SAMD5: variants seen among roughly 807,000 people sequenced by gnomAD.
SAMD5 encodes the protein sterile alpha motif domain-containing protein 5.
SAMD5 carries 13 observed loss-of-function variants against 11.3 expected under a neutral mutation model. The observed-to-expected ratio is 1.15, with a 90% CI of 0.75 to 1.83. SAMD5 has a LOEUF of 1.83. Ranked by LOEUF, SAMD5 falls within the 40% of genes most tolerant of loss-of-function variation. The pLI is 0.00. For missense variants in SAMD5, 255 were observed against 239.1 expected (o/e 1.07, Z -0.44); for synonymous variants, 129 against 111.3 (o/e 1.16, Z -1.00).
At chr6:147,878,009 T>C in the SAMD5 span, among the ~76,000 whole-genome samples, 1 of 150,764 alleles carries the variant, frequency 6.6e-6, no homozygotes, top group East Asian at 1.9e-4. Flanking sequence ...CTCAAACTCC[T>C]TAAGTGACCT....
At chr6:147,511,480 A>G (rs1788089273) in intron 1 of SAMD5, among the ~76,000 whole-genome samples, 1 of 152,260 alleles carries the variant, frequency 6.6e-6, no homozygotes. Flanking sequence ...TTGCTTTAAA[A>G]TAAATCCCAT....
At chr6:147,595,101 A>T (rs573478731) in intron 1 of SAMD5, among the ~76,000 whole-genome samples, 1 of 152,362 alleles carries the variant, frequency 6.6e-6, no homozygotes, top group African/African-American at 2.4e-5. Context: ...TACTTGCTGT[A>T]CCTGTTAAGA....
chr6:147,698,489 G>A (rs1213956049), intron 1 of SAMD5, among the ~76,000 whole-genome samples: 2 of 152,038 alleles, frequency 1.3e-5, no homozygotes, highest in African/African-American at 2.4e-5. Context: ...ATGTCCTGTG[G>A]AAAAAAATAA....
chr6:147,694,672 C>A (rs1791151223), intron 1 of SAMD5, among the ~76,000 whole-genome samples: 1 of 152,056 alleles, frequency 6.6e-6, no homozygotes. Context: ...AAAAAATTAG[C>A]CAGGCACGGT....
the SAMD5 span, among the ~76,000 whole-genome samples, chr6:147,909,706 T>A: frequency 6.6e-6 from 1 of 151,802 alleles, no homozygotes; most frequent in East Asian, 1.9e-4. Flanking sequence ...ACAGCTGTCC[T>A]CGTTTGTTTG....
At chr6:147,912,980 T>C in the SAMD5 span, among the ~76,000 whole-genome samples, 1 of 152,018 alleles carries the variant, frequency 6.6e-6, no homozygotes, top group Admixed American at 6.6e-5. Flanking sequence ...TTGGAAAATA[T>C]ACAGTAAAGA....
At chr6:147,807,057 C>G in the SAMD5 span, among the ~76,000 whole-genome samples, 1 of 152,110 alleles carries the variant, frequency 6.6e-6, no homozygotes, top group African/African-American at 2.4e-5. Context: ...GCCTCCAGAA[C>G]TGTAAGAAAT....
chr6:147,806,171 C>T, the SAMD5 span, among the ~76,000 whole-genome samples: 1 of 152,198 alleles, frequency 6.6e-6, no homozygotes, highest in Admixed American at 6.5e-5. Flanking sequence ...TCCAGGGCTA[C>T]TCAGTCTGCT....
At chr6:147,709,557 C>T (rs1791369424) in intron 1 of SAMD5, among the ~76,000 whole-genome samples, 2 of 152,232 alleles carry the variant, frequency 1.3e-5, no homozygotes, top group Admixed American at 6.5e-5. Flanking sequence ...AGAAAGAAGA[C>T]ATTGGTCACC....
At chr6:147,616,603 T>C (rs533535060) in intron 1 of SAMD5, among the ~76,000 whole-genome samples, 14 of 152,056 alleles carry the variant, frequency 9.2e-5, no homozygotes, top group African/African-American at 3.4e-4. Flanking sequence ...TTGTTTGGAG[T>C]GTTAATAAAT....
In SAMD5 at chr6:147,591,905, T is replaced by C. The variant is rs542596422; in HGVS notation, c.162+82518T>C. The stretch of plus-strand genomic sequence containing the variant: ...TCTGAGAAGGGCTCAGGAGGCGGTT[T>C]CCCTCAGCAAGCAGCTCTTCTGTCT... On this transcript the variant is annotated intron_variant, in intron 1 of 1. Coordinates refer to the SAMD5 transcript ENST00000566741. Among the ~76,000 whole-genome samples, 423 of 152,180 alleles carry C rather than the reference T, an allele frequency of 2.8e-3. 2 individuals carry two copies. Among genetic ancestry groups the C allele is most frequent in the African/African-American group, 9.7e-3 (402 of 41,548 alleles).
chr6:147,596,719 TAC>T (rs1789537090), intron 1 of SAMD5, among the ~76,000 whole-genome samples: 1 of 152,230 alleles, frequency 6.6e-6, no homozygotes. Flanking sequence ...ATATTTCTTT[TAC>T]AGTTATTTTT....
At chr6:147,740,219 T>A (rs1378020772), downstream of SAMD5, among the ~76,000 whole-genome samples, 1 of 152,216 alleles carries the variant, frequency 6.6e-6, no homozygotes, top group Admixed American at 6.5e-5. Flanking sequence ...TCCTTTGTCA[T>A]GCAACGCTGC....
At chr6:147,598,046 T>G (rs1006403866) in intron 1 of SAMD5, among the ~76,000 whole-genome samples, 2 of 152,204 alleles carry the variant, frequency 1.3e-5, no homozygotes, top group African/African-American at 4.8e-5. Flanking sequence ...ACACCACTGA[T>G]GCAGTGGAGT....
intron 1 of SAMD5, among the ~76,000 whole-genome samples, chr6:147,592,418 C>T (rs369974770): frequency 1.3e-4 from 20 of 151,982 alleles, no homozygotes; most frequent in East Asian, 9.6e-4. Flanking sequence ...AGAGGCACTT[C>T]ACATGGTCGC....
intron 1 of SAMD5, among the ~76,000 whole-genome samples, chr6:147,652,599 C>T (rs977699009): frequency 6.6e-6 from 1 of 152,106 alleles, no homozygotes; most frequent in African/African-American, 2.4e-5. Context: ...ACTGGCTGGC[C>T]AAGTGGCCTT....
At chr6:147,651,241 A>G (rs746059040) in intron 1 of SAMD5, among the ~76,000 whole-genome samples, 1 of 152,238 alleles carries the variant, frequency 6.6e-6, no homozygotes, top group Non-Finnish European at 1.5e-5. Context: ...AAAATAGCAA[A>G]CGATTACGGT....
In SAMD5 at chr6:147,622,499, C is replaced by T. The variant is rs543491254; in HGVS notation, c.162+113112C>T. ...GCAGAAAGTATCTTGAACTGACTTA[C>T]ACTCCAAAGCAGAATTTATACTAAG... On this transcript the variant is annotated intron_variant, in intron 1 of 1. Coordinates refer to the SAMD5 transcript ENST00000566741. 3.9e-5 allele frequency among the ~76,000 whole-genome samples: 6 copies of T among 152,290 alleles called. No individual in the cohort carries two copies. In the South Asian group the frequency reaches 1.2e-3, roughly 32 times the overall value.
chr6:147,883,999 C>G, the SAMD5 span, among the ~76,000 whole-genome samples: 1 of 152,186 alleles, frequency 6.6e-6, no homozygotes, highest in African/African-American at 2.4e-5. Flanking sequence ...CCACTCTTTC[C>G]TCTTTACAGC....
Sources: gnomAD v4.1 joint callset for allele counts (sites outside exome capture counted in the v4.1 genomes callset) on GRCh38, gnomAD v4.1.1 for gene constraint, MANE v1.5 for transcripts, NCBI Gene and HGNC (gene_info 2026-07-23, HGNC 2026-07-21) for gene names.